Variants in ANKRD29 observed in about 807,000 individuals in gnomAD.
The protein encoded by ANKRD29 is ankyrin repeat domain-containing protein 29.
Under a neutral mutation model 38.0 loss-of-function variants are expected in ANKRD29, and 32 were observed. That is an observed-to-expected ratio of 0.84 (90% confidence interval 0.64 to 1.13). The LOEUF (loss-of-function observed/expected upper bound fraction) is 1.13, where lower values mean the gene tolerates loss of function less well. Ranked by LOEUF, ANKRD29 falls within the 50% of genes most tolerant of loss-of-function variation. The pLI is 0.00. For synonymous variants in ANKRD29, 135 were observed against 152.4 expected (o/e 0.89, Z 0.84); for missense variants, 357 against 377.9 (o/e 0.94, Z 0.46).
At chr18:23,627,268 T>C (rs1047515368) in intron 6 of ANKRD29, among the ~76,000 whole-genome samples, 1 of 152,224 alleles carries the variant, frequency 6.6e-6, no homozygotes, top group Non-Finnish European at 1.5e-5. Flanking sequence ...TTGCCTTTTT[T>C]CCCCAAAGCA....
Position 23,617,751 on chromosome 18 carries a change from GGT to G in ANKRD29, c.702_703del (p.Pro235HisfsTer22). 6.2e-7 allele frequency: 1 copy of G among 1,613,652 alleles called. No individual in the cohort carries two copies. Among genetic ancestry groups the G allele is most frequent in the Non-Finnish European group, 8.5e-7 (1 of 1,179,730 alleles). ...TCTTACCTTCAAAATACCAAGAGTG[GGT>G]GAGAATTTAAGCAACTCTTTTATGA... is the stretch of plus-strand genomic sequence containing the variant. On this transcript the variant is annotated frameshift_variant, in exon 8 of 10. Transcript: ENST00000592179. LOFTEE classifies it high-confidence loss of function.
At chr18:23,633,459 G>A (rs748313097) in intron 5 of ANKRD29, among the ~76,000 whole-genome samples, 2 of 152,162 alleles carry the variant, frequency 1.3e-5, no homozygotes, top group African/African-American at 2.4e-5. Context: ...GTCATGGTAC[G>A]AATAAGTATC....
At chr18:23,654,284 AAAT>A (rs1166624146) in intron 1 of ANKRD29, among the ~76,000 whole-genome samples, 9 of 63,678 alleles carry the variant, frequency 1.4e-4, no homozygotes, top group African/African-American at 2.0e-4. Flanking sequence ...CACAAAAAAT[AAAT>A]AAATAAATAA....
At chr18:23,636,097 T>C (rs2059999426) in intron 4 of ANKRD29, among the ~76,000 whole-genome samples, 1 of 152,214 alleles carries the variant, frequency 6.6e-6, no homozygotes, top group Non-Finnish European at 1.5e-5. Flanking sequence ...ACAGAAAAGA[T>C]AAAATATGAA....
chr18:23,615,219 G>A (rs557882733), intron 8 of ANKRD29, among the ~76,000 whole-genome samples: 35 of 152,120 alleles, frequency 2.3e-4, no homozygotes, highest in Middle Eastern at 3.4e-3. Flanking sequence ...ATATTCTCCA[G>A]GCTGGTCTCT....
chr18:23,610,711 C>T (rs952119043), intron 9 of ANKRD29, among the ~76,000 whole-genome samples: 2 of 152,058 alleles, frequency 1.3e-5, no homozygotes, highest in Non-Finnish European at 2.9e-5. Flanking sequence ...CTCTCTACTC[C>T]GTCGTTCAGG....
intron 9 of ANKRD29, among the ~76,000 whole-genome samples, chr18:23,607,984 C>G (rs1368168254): frequency 6.6e-6 from 1 of 152,184 alleles, no homozygotes; most frequent in Non-Finnish European, 1.5e-5. Flanking sequence ...GTCTCGAAGC[C>G]CCAGAGCAGA....
At chr18:23,612,305 C>T in intron 8 of ANKRD29, 115 bp from the exon 9 acceptor site, 1 of 810,074 alleles carries the variant, frequency 1.2e-6, no homozygotes, top group African/African-American at 1.7e-5. Context: ...CCGTAACCTT[C>T]CTTATCTTGC....
chr18:23,630,814 T>A (rs1418919939), intron 5 of ANKRD29, among the ~76,000 whole-genome samples: 2 of 149,980 alleles, frequency 1.3e-5, no homozygotes, highest in African/African-American at 4.9e-5. Context: ...TTTTTTTTTT[T>A]AATTAGCTGG....
intron 5 of ANKRD29, among the ~76,000 whole-genome samples, chr18:23,632,802 G>A (rs553326390): frequency 6.6e-6 from 1 of 152,172 alleles, no homozygotes; most frequent in South Asian, 2.1e-4. Context: ...CATTCTACTG[G>A]TAATGTTGCA....
intron 4 of ANKRD29, among the ~76,000 whole-genome samples, chr18:23,635,378 C>T (rs1051878178): frequency 6.6e-6 from 1 of 151,792 alleles, no homozygotes; most frequent in Non-Finnish European, 1.5e-5. Flanking sequence ...GTTCCATCTA[C>T]TCTACTTTTA....
chr18:23,621,348 A>T (rs1157298355), intron 6 of ANKRD29, among the ~76,000 whole-genome samples: 1 of 152,134 alleles, frequency 6.6e-6, no homozygotes, highest in Non-Finnish European at 1.5e-5. Flanking sequence ...GGAAAGGGAG[A>T]GAGGATGAAG....
At chr18:23,610,356 T>C (rs928190045) in intron 9 of ANKRD29, among the ~76,000 whole-genome samples, 1 of 152,212 alleles carries the variant, frequency 6.6e-6, no homozygotes, top group Admixed American at 6.5e-5. Context: ...TGCACACCTG[T>C]AGTTCCAGCT....
chr18:23,634,278 GTTT>G (rs71163626), intron 4 of ANKRD29, 129 bp from the exon 5 acceptor site: 1,133 of 372,536 alleles, frequency 3.0e-3, no homozygotes, highest in South Asian at 9.5e-3. Context: ...CACTTTCCCT[GTTT>G]TTTTTTTTTT....
intron 1 of ANKRD29, among the ~76,000 whole-genome samples, chr18:23,662,002 CTA>C (rs1388126718): frequency 6.8e-6 from 1 of 147,890 alleles, no homozygotes; most frequent in Non-Finnish European, 1.5e-5. Flanking sequence ...GTTAATTTCT[CTA>C]TATCTTAGTT....
chr18:23,602,823 T>C (rs1226624659), intron 9 of ANKRD29, among the ~76,000 whole-genome samples: 2 of 151,862 alleles, frequency 1.3e-5, no homozygotes, highest in Non-Finnish European at 2.9e-5. Context: ...ATTTTAAAAA[T>C]ATATTTATTA....
intron 8 of ANKRD29, among the ~76,000 whole-genome samples, chr18:23,616,738 T>C (rs2059727818): frequency 6.8e-6 from 1 of 146,804 alleles, no homozygotes; most frequent in Admixed American, 6.9e-5. Context: ...TACTATTTAG[T>C]AATATTTACT....
At chr18:23,655,209 A>C (rs893645693) in intron 1 of ANKRD29, among the ~76,000 whole-genome samples, 3 of 140,012 alleles carry the variant, frequency 2.1e-5, no homozygotes, top group Admixed American at 1.4e-4. Context: ...GGCCCAGGGG[A>C]TCCCAAAGAA....
chr18:23,636,202 T>G (rs2060000890), intron 4 of ANKRD29, among the ~76,000 whole-genome samples: 1 of 152,200 alleles, frequency 6.6e-6, no homozygotes. Context: ...AGTTGTGCAA[T>G]CATGGCTCAC....
Sources: gnomAD v4.1 joint callset for allele counts (sites outside exome capture counted in the v4.1 genomes callset) on GRCh38, gnomAD v4.1.1 for gene constraint, MANE v1.5 for transcripts, NCBI Gene and HGNC (gene_info 2026-07-23, HGNC 2026-07-21) for gene names.